KHDRBS2: variants seen among roughly 807,000 people sequenced by gnomAD.
KHDRBS2 encodes KH domain-containing, RNA-binding, signal transduction-associated protein 2.
In KHDRBS2, 26 loss-of-function variants were observed where a neutral mutation model predicts 44.3. The ratio of observed to expected loss-of-function variants is 0.59; its 90% CI spans 0.43 to 0.81. The LOEUF is 0.81. Among genes scored for constraint, KHDRBS2 ranks in the 40% least tolerant of loss-of-function variants. The pLI is 0.00. For missense variants in KHDRBS2, 476 were observed against 433.1 expected (o/e 1.10, Z -0.88); for synonymous variants, 194 against 151.1 (o/e 1.28, Z -2.08).
At chr6:62,176,124 A>G (rs1042943755) in intron 2 of KHDRBS2, among the ~76,000 whole-genome samples, 2 of 151,424 alleles carry the variant, frequency 1.3e-5, no homozygotes, top group African/African-American at 4.8e-5. Context: ...TTATTTCACT[A>G]CTATGCAAAT....
intron 1 of KHDRBS2, among the ~76,000 whole-genome samples, chr6:62,274,398 G>C (rs9446135): frequency 0.22 from 32,841 of 151,940 alleles, 4,677 homozygotes; most frequent in African/African-American, 0.41. Flanking sequence ...CAATGACTTA[G>C]CATTGCTTGT....
At chr6:61,802,121 G>C (rs1786376236) in intron 6 of KHDRBS2, among the ~76,000 whole-genome samples, 1 of 152,102 alleles carries the variant, frequency 6.6e-6, no homozygotes, top group Non-Finnish European at 1.5e-5. Flanking sequence ...GAAAGTCAGG[G>C]GGCCTTAGAA....
the KHDRBS2 span, among the ~76,000 whole-genome samples, chr6:61,640,207 C>G: frequency 3.3e-5 from 5 of 152,014 alleles, no homozygotes; most frequent in African/African-American, 1.2e-4. Flanking sequence ...AACTTGGCAG[C>G]ATTTGCCATA....
rs186391983 is a variant in KHDRBS2 at position 61,963,266 on chromosome 6, T to C, written c.483+14800A>G. Among the ~76,000 whole-genome samples, 357 of 152,196 alleles carry C rather than the reference T, an allele frequency of 2.3e-3. 2 individuals carry two copies. The highest frequency in any genetic ancestry group is 8.1e-3 in the African/African-American group (335 of 41,560). On this transcript the variant is annotated intron_variant, in intron 4 of 8. Coordinates refer to ENST00000281156, the MANE Select transcript of KHDRBS2 (RefSeq NM_152688.4). ...TGATATGGAATATGATATGAAAACA[T>C]GAGCAATTACATTTTAGCAGTCTAA...
chr6:61,597,729 C>CA, the KHDRBS2 span, among the ~76,000 whole-genome samples: 567 of 35,562 alleles, frequency 0.016, 22 homozygotes, highest in East Asian at 0.03. Flanking sequence ...AATTTTGCAC[C>CA]TTTTATATAT....
the KHDRBS2 span, among the ~76,000 whole-genome samples, chr6:61,600,169 G>A: frequency 6.6e-6 from 1 of 152,042 alleles, no homozygotes; most frequent in Non-Finnish European, 1.5e-5. Flanking sequence ...CTAACACCTG[G>A]GAATATGAGT....
the KHDRBS2 span, among the ~76,000 whole-genome samples, chr6:61,595,856 A>G: frequency 6.6e-6 from 1 of 151,682 alleles, no homozygotes; most frequent in Non-Finnish European, 1.5e-5. Flanking sequence ...ATTATTACTT[A>G]ATTTAACATA....
chr6:61,836,818 TCATCATATTACTTTTGGAGG>T (rs1792766114), intron 6 of KHDRBS2, among the ~76,000 whole-genome samples: 1 of 151,998 alleles, frequency 6.6e-6, no homozygotes, highest in Admixed American at 6.6e-5. Context: ...CAATCCAAAG[TCATCATATTACTTTTGGAGG>T]CCAAAGTATT....
intron 4 of KHDRBS2, among the ~76,000 whole-genome samples, chr6:61,945,040 A>G: frequency 6.9e-6 from 1 of 145,634 alleles, no homozygotes; most frequent in Non-Finnish European, 1.5e-5. Context: ...GCAGTAAGCC[A>G]AGATCGTGCC....
chr6:61,639,111 G>A, the KHDRBS2 span, among the ~76,000 whole-genome samples: 3 of 152,172 alleles, frequency 2.0e-5, no homozygotes, highest in Admixed American at 2.0e-4. Context: ...AGTTTTTTAA[G>A]TTCCCTTATG....
intron 1 of KHDRBS2, among the ~76,000 whole-genome samples, chr6:62,276,490 T>G (rs1840957643): frequency 1.3e-5 from 2 of 152,152 alleles, no homozygotes; most frequent in South Asian, 4.1e-4. Context: ...CCAATCACTT[T>G]TTGGGTCCAA....
intron 2 of KHDRBS2, among the ~76,000 whole-genome samples, chr6:62,104,995 G>A (rs1266869177): frequency 1.3e-5 from 2 of 151,966 alleles, no homozygotes; most frequent in Admixed American, 1.3e-4. Flanking sequence ...AGGAAAATAA[G>A]AGAATATCAT....
At chr6:62,219,204 A>G (rs1195850657) in intron 1 of KHDRBS2, among the ~76,000 whole-genome samples, 1 of 152,030 alleles carries the variant, frequency 6.6e-6, no homozygotes, top group African/African-American at 2.4e-5. Context: ...AAACACAGCT[A>G]ACTTGAGAAT....
At chr6:61,594,326 T>A in the KHDRBS2 span, among the ~76,000 whole-genome samples, 48 of 152,266 alleles carry the variant, frequency 3.2e-4, no homozygotes, top group East Asian at 9.1e-3. Flanking sequence ...GATGCTAGGT[T>A]GGTAATTTTA....
At chr6:61,790,015 T>G (rs775862559) in intron 6 of KHDRBS2, among the ~76,000 whole-genome samples, 2 of 151,480 alleles carry the variant, frequency 1.3e-5, no homozygotes, top group African/African-American at 2.4e-5. Flanking sequence ...AATGATTATC[T>G]ATTATTTATG....
intron 6 of KHDRBS2, among the ~76,000 whole-genome samples, chr6:61,796,940 T>G (rs926161256): frequency 1.3e-5 from 2 of 152,130 alleles, no homozygotes; most frequent in African/African-American, 4.8e-5. Flanking sequence ...AATTTCCAAG[T>G]TATCTGTATT....
chr6:62,037,287 T>G (rs1248183114), intron 3 of KHDRBS2, among the ~76,000 whole-genome samples: 2 of 151,914 alleles, frequency 1.3e-5, no homozygotes, highest in East Asian at 1.9e-4. Context: ...TTTATATTCC[T>G]GTATAGGTAG....
chr6:62,094,618 A>G (rs1450945559), intron 2 of KHDRBS2, among the ~76,000 whole-genome samples: 1 of 151,718 alleles, frequency 6.6e-6, no homozygotes, highest in Non-Finnish European at 1.5e-5. Flanking sequence ...TTGACTTCTT[A>G]TCCAAAAAAT....
At chr6:61,737,555 T>C (rs963223230) in intron 6 of KHDRBS2, among the ~76,000 whole-genome samples, 1 of 152,108 alleles carries the variant, frequency 6.6e-6, no homozygotes, top group Non-Finnish European at 1.5e-5. Flanking sequence ...AAACAGACCG[T>C]AAGTTAATCA....
Sources: allele counts gnomAD v4.1 joint callset (sites outside exome capture counted in the v4.1 genomes callset), GRCh38; gene constraint gnomAD v4.1.1; transcripts MANE v1.5; gene names NCBI Gene and HGNC (gene_info 2026-07-23, HGNC 2026-07-21).